SERINC5: variants seen among roughly 807,000 people sequenced by gnomAD.
The protein encoded by SERINC5 is chromosome 5 open reading frame 12.
A neutral mutation model predicts 63.1 loss-of-function variants in SERINC5; 41 were observed. The observed-to-expected ratio is 0.65, with a 90% CI of 0.51 to 0.84. The LOEUF (loss-of-function observed/expected upper bound fraction) is 0.84. Ranked by LOEUF, SERINC5 falls within the 40% of genes least tolerant of loss-of-function variation. SERINC5 has a pLI of 0.00. For missense variants in SERINC5, 523 were observed against 573.0 expected (o/e 0.91, Z 0.89); for synonymous variants, 222 against 215.2 (o/e 1.03, Z -0.28).
At chr5:80,181,224 CACAA>C (rs1748396490) in intron 2 of SERINC5, among the ~76,000 whole-genome samples, 1 of 152,088 alleles carries the variant, frequency 6.6e-6, no homozygotes, top group South Asian at 2.1e-4. Flanking sequence ...TTTTCCTTTA[CACAA>C]ACAAACAAAG....
intron 1 of SERINC5, among the ~76,000 whole-genome samples, chr5:80,252,573 A>G (rs1396316580): frequency 6.6e-6 from 1 of 152,234 alleles, no homozygotes; most frequent in Non-Finnish European, 1.5e-5. Context: ...ACCAAAGTGA[A>G]TATCAGAGTA....
intron 1 of SERINC5, 96 bp downstream of exon 1, chr5:80,255,800 G>T: frequency 7.5e-7 from 1 of 1,334,264 alleles, no homozygotes; most frequent in Non-Finnish European, 1.0e-6. Context: ...GTTCGGCCGC[G>T]GAGCTGGGAG....
At chr5:80,147,798 C>T (rs1490798762) in intron 9 of SERINC5, among the ~76,000 whole-genome samples, 1 of 152,196 alleles carries the variant, frequency 6.6e-6, no homozygotes, top group Non-Finnish European at 1.5e-5. Flanking sequence ...AAGAGCCCCA[C>T]TCTCCTGGTG....
At chr5:80,171,718 C>A (rs557173937) in intron 5 of SERINC5, among the ~76,000 whole-genome samples, 3 of 151,716 alleles carry the variant, frequency 2.0e-5, no homozygotes, top group African/African-American at 7.3e-5. Flanking sequence ...AAAAACCAAA[C>A]CAAAACAAAA....
intron 8 of SERINC5, among the ~76,000 whole-genome samples, chr5:80,154,706 C>T (rs943612685): frequency 4.6e-5 from 7 of 152,184 alleles, no homozygotes; most frequent in East Asian, 3.9e-4. Flanking sequence ...CACCAACCTG[C>T]GAACCTCCCC....
chr5:80,242,871 C>T (rs1402454016), intron 1 of SERINC5, among the ~76,000 whole-genome samples: 1 of 152,180 alleles, frequency 6.6e-6, no homozygotes, highest in Non-Finnish European at 1.5e-5. Context: ...TGCAGTGAGC[C>T]AAGATCAGGC....
chr5:80,176,073 G>A (rs1218726015), intron 4 of SERINC5, among the ~76,000 whole-genome samples: 1 of 151,904 alleles, frequency 6.6e-6, no homozygotes, highest in African/African-American at 2.4e-5. Flanking sequence ...CAGCTACTCG[G>A]GAGGCTGAGG....
At chr5:80,225,034 A>G (rs1270225726) in intron 1 of SERINC5, among the ~76,000 whole-genome samples, 1 of 147,838 alleles carries the variant, frequency 6.8e-6, no homozygotes, top group Non-Finnish European at 1.5e-5. Flanking sequence ...TCTGCCTCCC[A>G]GGTTCAAGCA....
chr5:80,140,079 C>T lies in SERINC5; in HGVS notation c.*3584G>A. On this transcript the variant is annotated 3_prime_UTR_variant, in exon 12 of 12. Transcript: ENST00000507668. ...GTGCAGTGGTTTACGCCTATAATCC[C>T]AGCACTTTGGGAAGCCAAGGCGGGC... The T allele has an allele frequency of 1.0e-6, 1 of 981,768 alleles. No homozygotes were observed. The highest frequency in any genetic ancestry group is 1.2e-6 in the Non-Finnish European group (1 of 826,726). The allele number at this position is 981,768 out of a possible 1,614,324, so 60.8% of individuals were successfully genotyped here. A position where few individuals can be genotyped will look rare whatever the true frequency, so the allele number is the denominator to read the frequency against.
intron 1 of SERINC5, among the ~76,000 whole-genome samples, chr5:80,246,857 G>A (rs192365225): frequency 1.2e-4 from 18 of 152,310 alleles, no homozygotes; most frequent in African/African-American, 4.3e-4. Context: ...TACATTTTAA[G>A]CAGGGCAGCA....
chr5:80,148,186 A>ATTTTTTTTTTTTTT (rs1561368296), intron 9 of SERINC5, among the ~76,000 whole-genome samples: 1 of 86,308 alleles, frequency 1.2e-5, no homozygotes, highest in African/African-American at 5.1e-5. Flanking sequence ...CGTATTTTTT[A>ATTTTTTTTTTTTTT]TTCTTTTTTT....
rs748602117 is a variant in SERINC5 at position 80,255,848 on chromosome 5, C to T, written c.27+48G>A. The T allele has an allele frequency of 7.0e-6, 11 of 1,580,118 alleles. No homozygotes were observed. In the South Asian group the frequency reaches 1.1e-4, roughly 16 times the overall value. ...GGTCCTCCACGCCTGGACTCCTGGCCCGGTTCTCCGATCTGACAACCCCCG... is the reference window on the plus strand; with the variant it reads ...GGTCCTCCACGCCTGGACTCCTGGCTCGGTTCTCCGATCTGACAACCCCCG... On this transcript the variant is annotated intron_variant, in intron 1 of 11. Coordinates refer to ENST00000507668, the MANE Select transcript of SERINC5 (RefSeq NM_001174072.3).
At chr5:80,189,313 G>A (rs1201589337) in intron 2 of SERINC5, among the ~76,000 whole-genome samples, 1 of 152,140 alleles carries the variant, frequency 6.6e-6, no homozygotes, top group African/African-American at 2.4e-5. Context: ...TGCTGCCCCG[G>A]CAAGGTCAAC....
chr5:80,204,430 C>A (rs547399754), intron 1 of SERINC5, among the ~76,000 whole-genome samples: 47 of 152,188 alleles, frequency 3.1e-4, no homozygotes, highest in African/African-American at 1.1e-3. Context: ...ACTTTACCAA[C>A]GTATTCACCC....
intron 2 of SERINC5, among the ~76,000 whole-genome samples, chr5:80,178,817 T>G (rs1748227222): frequency 6.6e-6 from 1 of 151,934 alleles, no homozygotes; most frequent in East Asian, 1.9e-4. Flanking sequence ...AATTGGTGGG[T>G]AGAGTATTTG....
intron 8 of SERINC5, 25 bp from the exon 9 acceptor site, chr5:80,150,973 C>G: frequency 6.3e-7 from 1 of 1,585,506 alleles, no homozygotes; most frequent in Non-Finnish European, 8.7e-7. Context: ...AAAACGTCAG[C>G]TGGGCATATT....
At chr5:80,201,426 C>A (rs368153317) in intron 2 of SERINC5, among the ~76,000 whole-genome samples, 4 of 152,234 alleles carry the variant, frequency 2.6e-5, no homozygotes, top group African/African-American at 9.6e-5. Flanking sequence ...GCAAAGAAGT[C>A]TGCCCTTCCC....
intron 1 of SERINC5, among the ~76,000 whole-genome samples, chr5:80,244,991 G>A (rs557545913): frequency 2.0e-5 from 3 of 152,166 alleles, no homozygotes; most frequent in African/African-American, 7.2e-5. Context: ...ACTGATCTTC[G>A]ATCTTCCTCT....
rs148157726 is a variant in SERINC5 at position 80,253,828 on chromosome 5, C to T, written c.27+2068G>A. On this transcript the variant is annotated intron_variant, in intron 1 of 11. Transcript: ENST00000507668. The stretch of plus-strand genomic sequence containing the variant: ...GGCCATTGAGAGCAGAGATGCTTGT[C>T]TGACTTATGACTATATAGCAGGCTC... 5.9e-5 allele frequency among the ~76,000 whole-genome samples: 9 copies of T among 152,336 alleles called. No homozygotes were observed. In the East Asian group the frequency reaches 1.7e-3, roughly 29 times the overall value.
Sources: gnomAD v4.1 joint callset for allele counts (sites outside exome capture counted in the v4.1 genomes callset) on GRCh38, gnomAD v4.1.1 for gene constraint, MANE v1.5 for transcripts, NCBI Gene and HGNC (gene_info 2026-07-23, HGNC 2026-07-21) for gene names.